The following KIF19 variants were observed in gnomAD, a reference collection of about 807,000 sequenced individuals.
The protein encoded by KIF19 is kinesin family member 19.
A neutral mutation model predicts 106.6 loss-of-function variants in KIF19; 98 were observed. That is an observed-to-expected ratio of 0.92 (90% CI 0.78 to 1.09). The LOEUF (loss-of-function observed/expected upper bound fraction) is 1.09. Among genes scored for constraint, KIF19 ranks in the 50% least tolerant of loss-of-function variants. The pLI is 0.00. For missense variants in KIF19, 1,373 were observed against 1,414.3 expected (o/e 0.97, Z 0.47); for synonymous variants, 516 against 584.2 (o/e 0.88, Z 1.68).
chr17:74,355,817 T>C lies in KIF19; in HGVS notation c.*505T>C, dbSNP rs1567928652. On this transcript the variant is annotated 3_prime_UTR_variant, in exon 20 of 20. Transcript: ENST00000389916. ...TTAACAATAAAATCCCATTTGGGTC[T>C]TGATGGTTGTGTTGGAAATTTGACC... The C allele has an allele frequency of 6.5e-6, 1 of 153,082 alleles. No individual in the cohort carries two copies. Among genetic ancestry groups the C allele is most frequent in the African/African-American group, 2.4e-5 (1 of 41,502 alleles). 9.5% of individuals were successfully genotyped at this position (153,082 alleles called of 1,614,324 possible).
chr17:74,353,009 C>G, intron 15 of KIF19, 55 bp downstream of exon 15: 2 of 1,599,748 alleles, frequency 1.3e-6, no homozygotes, highest in Non-Finnish European at 1.7e-6. Flanking sequence ...CCCAGAGAGG[C>G]CAACCCAGAC....
At chr17:74,327,809 A>T (rs995211162) in intron 1 of KIF19, among the ~76,000 whole-genome samples, 1 of 152,188 alleles carries the variant, frequency 6.6e-6, no homozygotes, top group Non-Finnish European at 1.5e-5. Flanking sequence ...CGTTCATTCT[A>T]TCCCCACACC....
Position 74,354,879 on chromosome 17 carries a change from G to C in KIF19, c.2804G>C (p.Arg935Pro). Reference sequence around the variant, plus strand: ...TGCAGGCACCCAGCCCCTGGTATCCGGCATCTGGGAAAGGTCACGCTACCT... The same window carrying C: ...TGCAGGCACCCAGCCCCTGGTATCCCGCATCTGGGAAAGGTCACGCTACCT... The part of the protein sequence containing the change: ...PVCRHPAPGI[R>P]HLGKVTLPLA... Residue 935 changes from arginine to proline, a missense_variant, in exon 19 of 20, where the codon CGG (arginine) becomes CCG (proline). By Grantham distance (103) the Arg-to-Pro change is moderately radical. This residue lies in a region of KIF19 where 1,020 missense variants were observed against 1,008.2 expected (regional missense o/e 1.01). Transcript: ENST00000389916. 1 of 1,568,768 alleles carries C rather than the reference G, an allele frequency of 6.4e-7. No individual in the cohort carries two copies. The highest frequency in any genetic ancestry group is 8.6e-7 in the Non-Finnish European group (1 of 1,157,304).
intron 1 of KIF19, among the ~76,000 whole-genome samples, chr17:74,327,181 G>A (rs771223638): frequency 1.3e-5 from 2 of 152,180 alleles, no homozygotes; most frequent in African/African-American, 4.8e-5. Context: ...CAGAAGGTGG[G>A]CAGTAAGGTA....
In KIF19 at chr17:74,344,357, T is replaced by G; in HGVS notation, c.582+9T>G. 1.9e-6 allele frequency: 3 copies of G among 1,611,340 alleles called. No homozygotes were observed. The South Asian group carries it at 3.3e-5, about 18-fold the overall frequency. On this transcript the variant is annotated intron_variant, in intron 6 of 19. Transcript: ENST00000389916. The stretch of plus-strand genomic sequence containing the variant: ...CCATCAATGCCAAGGAGGCGAGTTT[T>G]GTGTGGCCAGCCTGGAGCCGCTGAG...
At position 74,346,224 on chromosome 17, in the gene KIF19, C is replaced by T. The variant is rs568643487; in HGVS notation, c.778-154C>T. 1.3e-5 allele frequency among the ~76,000 whole-genome samples: 2 copies of T among 152,348 alleles called. No individual in the cohort carries two copies. The highest frequency in any genetic ancestry group is 2.4e-5 in the African/African-American group (1 of 41,582). ...GGCCTCTGGGTCTCTTAACCTTCTCCAATGCCCTCAGTGGCCTTGGCAGGA... is the reference window on the plus strand; with the variant it reads ...GGCCTCTGGGTCTCTTAACCTTCTCTAATGCCCTCAGTGGCCTTGGCAGGA... On this transcript the variant is annotated intron_variant, in intron 7 of 19. Transcript: ENST00000389916. This position sits in a 1 kb window ranked among gnomAD's most constrained non-coding sequence, Gnocchi z 4.6.
intron 2 of KIF19, among the ~76,000 whole-genome samples, chr17:74,334,025 A>T (rs1204771828): frequency 6.6e-6 from 1 of 151,708 alleles, no homozygotes; most frequent in Admixed American, 6.6e-5. Context: ...TGGTCTGGCT[A>T]TCTTGCCCAG....
At chr17:74,333,905 C>T (rs1166024589) in intron 2 of KIF19, among the ~76,000 whole-genome samples, 4 of 149,454 alleles carry the variant, frequency 2.7e-5, no homozygotes, top group Admixed American at 6.7e-5. Flanking sequence ...GTCACTGCCA[C>T]CTTGAATTCC....
Position 74,331,904 on chromosome 17 carries a change from A to G in KIF19, c.120+3399A>G, listed in dbSNP as rs2054092362. ...TTTGGATTTTTAATGGGGATAGTCC[A>G]GTTGCCTTGGAAGGCCAGTGATTCC... is the stretch of plus-strand genomic sequence containing the variant. On this transcript the variant is annotated intron_variant, in intron 2 of 19. Transcript: ENST00000389916. The surrounding 1 kb of genome is among the most constrained non-coding windows in gnomAD (Gnocchi z 4.1). Among the ~76,000 whole-genome samples, 2 of 152,066 alleles carry G rather than the reference A, an allele frequency of 1.3e-5. No homozygotes were observed.
At position 74,327,121 on chromosome 17, in the gene KIF19, C is replaced by T. The variant is rs557419689; in HGVS notation, c.39+733C>T. ...GTGGGTGGGTGTCTCTCTCAGCAAG[C>T]CCCTTCCTCATCCCCTAATTTTTGA... is the stretch of plus-strand genomic sequence containing the variant. On this transcript the variant is annotated intron_variant, in intron 1 of 19. Transcript: ENST00000389916. Among the ~76,000 whole-genome samples the T allele has an allele frequency of 2.0e-5, 3 of 152,186 alleles. No homozygotes were observed. The South Asian group carries it at 6.2e-4, about 31-fold the overall frequency.
In KIF19 at chr17:74,352,311, A is replaced by G. The variant is rs771482162; in HGVS notation, c.1951A>G (p.Met651Val). The change falls in exon 14 of 20, where the codon ATG (methionine) becomes GTG (valine). Residue 651 changes from methionine to valine, a missense_variant. This residue lies in a region of KIF19 where 1,020 missense variants were observed against 1,008.2 expected (regional missense o/e 1.01). Coordinates refer to ENST00000389916, the MANE Select transcript of KIF19 (RefSeq NM_153209.4). The part of the protein sequence containing the change: ...EEGSLEQATI[M>V]DQVASRALQD... ...GGGCAGCCTGGAGCAGGCCACCATC[A>G]TGGACCAAGTGGCCTCCAGGGCCCT... is the stretch of plus-strand genomic sequence containing the variant. 1 of 1,611,386 alleles carries G rather than the reference A, an allele frequency of 6.2e-7. No individual in the cohort carries two copies.
At chr17:74,333,701 C>G (rs1182613700) in intron 2 of KIF19, among the ~76,000 whole-genome samples, 1 of 152,118 alleles carries the variant, frequency 6.6e-6, no homozygotes, top group Non-Finnish European at 1.5e-5. Flanking sequence ...AACTTCACTC[C>G]TTATGTTGTG....
intron 2 of KIF19, among the ~76,000 whole-genome samples, chr17:74,337,925 G>C (rs77551356): frequency 6.6e-6 from 1 of 152,250 alleles, no homozygotes; most frequent in Admixed American, 6.5e-5. Context: ...TGATGCTCTC[G>C]AGGGTGGGGC....
At position 74,331,420 on chromosome 17, in the gene KIF19, CT is replaced by C. The variant is rs1305725283; in HGVS notation, c.120+2918del. Among the ~76,000 whole-genome samples the C allele has an allele frequency of 6.6e-6, 1 of 152,078 alleles. No homozygotes were observed. The highest frequency in any genetic ancestry group is 6.6e-5 in the Admixed American group (1 of 15,264). On this transcript the variant is annotated intron_variant, in intron 2 of 19. Transcript: ENST00000389916. The surrounding 1 kb of genome is among the most constrained non-coding windows in gnomAD (Gnocchi z 4.1). The stretch of plus-strand genomic sequence containing the variant: ...GCCACCGTGAGGGGTCCTGGGGCAG[CT>C]TTCTTTAGTCTAGGCATTGTTCTCC...
Position 74,331,591 on chromosome 17 carries a change from T to TC in KIF19, c.120+3087dup, listed in dbSNP as rs1251361790. Among the ~76,000 whole-genome samples, 4 of 151,582 alleles carry TC rather than the reference T, an allele frequency of 2.6e-5. No homozygotes were observed. The highest frequency in any genetic ancestry group is 9.7e-5 in the African/African-American group (4 of 41,366). Reference sequence around the variant, plus strand: ...GTTCGGATTTGGATTTTTTTTTTTTTCTTGTGATGGAGTCTTGCTCTGTCA... The same window carrying TC: ...GTTCGGATTTGGATTTTTTTTTTTTTCCTTGTGATGGAGTCTTGCTCTGTCA... On this transcript the variant is annotated intron_variant, in intron 2 of 19. Transcript: ENST00000389916. The surrounding 1 kb of genome is among the most constrained non-coding windows in gnomAD (Gnocchi z 4.1).
intron 5 of KIF19, among the ~76,000 whole-genome samples, 159 bp from the exon 6 acceptor site, chr17:74,344,064 G>C (rs1202754248): frequency 6.6e-6 from 1 of 152,152 alleles, no homozygotes; most frequent in African/African-American, 2.4e-5. Context: ...GAAGGAAAGG[G>C]CCTTTCCTCC....
intron 2 of KIF19, chr17:74,328,758 A>C: frequency 2.6e-6 from 1 of 389,974 alleles, no homozygotes. Flanking sequence ...TACCTTTCAC[A>C]TGCTCATTGC....
chr17:74,351,836 G>A (rs1598398013), intron 12 of KIF19, 31 bp from the exon 13 acceptor site: 2 of 1,372,412 alleles, frequency 1.5e-6, no homozygotes, highest in Non-Finnish European at 1.9e-6. Context: ...CCCTCTCCCC[G>A]CTGCCAGATG....
At chr17:74,336,625 C>T (rs1379624288) in intron 2 of KIF19, among the ~76,000 whole-genome samples, 2 of 152,168 alleles carry the variant, frequency 1.3e-5, no homozygotes, top group African/African-American at 4.8e-5. Context: ...CTCTAACAAG[C>T]GGGTACTCCC....
Sources: gnomAD v4.1 joint callset for allele counts (sites outside exome capture counted in the v4.1 genomes callset) on GRCh38, gnomAD v4.1.1 for gene constraint, gnomAD v4.1.1 regional missense constraint, Gnocchi (gnomAD v3.1) non-coding constraint, MANE v1.5 for transcripts, NCBI Gene and HGNC (gene_info 2026-07-23, HGNC 2026-07-21) for gene names.